SERPINA5: variants seen among roughly 807,000 people sequenced by gnomAD.
SERPINA5 encodes the protein plasma serine protease inhibitor.
In SERPINA5, 25 loss-of-function variants were observed where a neutral mutation model predicts 25.3. The ratio of observed to expected loss-of-function variants is 0.99; its 90% CI spans 0.72 to 1.38. The LOEUF (loss-of-function observed/expected upper bound fraction) is 1.38. SERPINA5 is among the 40% of genes most tolerant of loss of function. SERPINA5 has a pLI of 0.00. For missense variants in SERPINA5, 599 were observed against 509.5 expected, an observed-to-expected ratio of 1.18 and a Z score of -1.69; for synonymous variants, 234 against 206.2, an observed-to-expected ratio of 1.14 and a Z score of -1.16.
intron 5 of SERPINA5, 70 bp downstream of exon 5, chr14:94,590,966 A>C: frequency 6.9e-6 from 10 of 1,444,794 alleles, no homozygotes; most frequent in South Asian, 2.9e-5. Context: ...ATTCTACTCT[A>C]CCCCATTTCA....
chr14:94,588,054 C>T (rs1194688005), intron 3 of SERPINA5, 73 bp downstream of exon 3: 20 of 1,529,384 alleles, frequency 1.3e-5, no homozygotes, highest in Non-Finnish European at 1.7e-5. Flanking sequence ...TACCCAATTC[C>T]CTCACATACA....
In SERPINA5 at chr14:94,587,722, G is replaced by A; in HGVS notation, c.360G>A (p.Gln120=). 1.2e-6 allele frequency: 2 copies of A among 1,614,180 alleles called. No individual in the cohort carries two copies. The highest frequency in any genetic ancestry group is 1.7e-6 in the Non-Finnish European group (2 of 1,180,040). The change falls in exon 3 of 6, where the codon CAG becomes CAA. Residue 120 remains glutamine (Q), a synonymous_variant. Transcript: ENST00000329597. Reference sequence around the variant, plus strand: ...AGCAGCTCCTTCAGGAACTCAACCAGCCCAGAGATGGCTTCCAGCTGAGCC... The same window carrying A: ...AGCAGCTCCTTCAGGAACTCAACCAACCCAGAGATGGCTTCCAGCTGAGCC... ...GFQQLLQELN[Q]PRDGFQLSLG...
intron 5 of SERPINA5, 71 bp from the exon 6 acceptor site, chr14:94,591,986 A>C: frequency 6.6e-7 from 1 of 1,513,624 alleles, no homozygotes; most frequent in Non-Finnish European, 9.0e-7. Flanking sequence ...CATAGGCAGA[A>C]GCTTTGCCAT....
chr14:94,588,002 C>T, intron 3 of SERPINA5, 21 bp downstream of exon 3: 1 of 1,596,158 alleles, frequency 6.3e-7, no homozygotes, highest in Non-Finnish European at 8.5e-7. Context: ...TGGGCCCAAA[C>T]CTGCACTTTC....
Position 94,591,753 on chromosome 14 carries a change from C to T in SERPINA5, c.1039-304C>T, listed in dbSNP as rs574261887. 4.6e-5 allele frequency among the ~76,000 whole-genome samples: 7 copies of T among 152,188 alleles called. No individual in the cohort carries two copies. The South Asian group carries it at 1.4e-3, about 31-fold the overall frequency. ...AACAATCAAAACTAAGAAGGCACTTCCTAGCTATGTGATCTCCAAAAAATA... is the reference window on the plus strand; with the variant it reads ...AACAATCAAAACTAAGAAGGCACTTTCTAGCTATGTGATCTCCAAAAAATA... On this transcript the variant is annotated intron_variant, in intron 5 of 5. Transcript: ENST00000329597.
chr14:94,592,293 A>G lies in SERPINA5; in HGVS notation c.*54A>G, dbSNP rs540885420. 266 of 1,543,038 alleles carry G rather than the reference A, an allele frequency of 1.7e-4. No individual in the cohort carries two copies. In the Middle Eastern group the frequency reaches 2.1e-3, roughly 12 times the overall value. ...CTCAGGGTGGGAGATGAAGGGGGCT[A>G]AGCTATGGCCCATCTGTATGCTGGT... On this transcript the variant is annotated 3_prime_UTR_variant, in exon 6 of 6. Coordinates refer to ENST00000329597, the MANE Select transcript of SERPINA5 (RefSeq NM_000624.6).
At chr14:94,586,426 G>A (rs1885086493) in intron 2 of SERPINA5, among the ~76,000 whole-genome samples, 1 of 152,064 alleles carries the variant, frequency 6.6e-6, no homozygotes, top group Non-Finnish European at 1.5e-5. Context: ...CTCACAGGTG[G>A]CTGCCTTCTC....
At chr14:94,590,380 G>C (rs747525282) in intron 4 of SERPINA5, 69 bp downstream of exon 4, 2 of 1,510,732 alleles carry the variant, frequency 1.3e-6, no homozygotes, top group Non-Finnish European at 1.8e-6. Context: ...CGCCCTACCA[G>C]GGCCACACAG....
intron 2 of SERPINA5, among the ~76,000 whole-genome samples, chr14:94,583,307 A>C (rs779165074): frequency 6.6e-6 from 1 of 152,206 alleles, no homozygotes; most frequent in Non-Finnish European, 1.5e-5. Flanking sequence ...GGGGAGATGA[A>C]GGGAGCTTCC....
intron 5 of SERPINA5, 122 bp from the exon 6 acceptor site, chr14:94,591,935 G>T: frequency 9.2e-7 from 1 of 1,091,350 alleles, no homozygotes; most frequent in Non-Finnish European, 1.3e-6. Flanking sequence ...TTTCCTACTT[G>T]CTCCATGGCT....
chr14:94,583,552 C>T (rs536944610), intron 2 of SERPINA5, among the ~76,000 whole-genome samples: 10 of 152,300 alleles, frequency 6.6e-5, no homozygotes, highest in South Asian at 6.2e-4. Context: ...TTGGACAGAC[C>T]GTCCTCACTA....
intron 2 of SERPINA5, among the ~76,000 whole-genome samples, 170 bp from the exon 3 acceptor site, chr14:94,587,176 C>T (rs1264396889): frequency 6.6e-6 from 1 of 152,162 alleles, no homozygotes; most frequent in East Asian, 1.9e-4. Context: ...TGTCCTCGAG[C>T]CACTGCCACC....
intron 5 of SERPINA5, among the ~76,000 whole-genome samples, chr14:94,591,345 A>C (rs1595082353): frequency 1.3e-4 from 11 of 83,294 alleles, no homozygotes; most frequent in South Asian, 3.8e-4. Flanking sequence ...CCACTCCTCC[A>C]CTCCACTCTT....
intron 2 of SERPINA5, chr14:94,586,906 C>A (rs187256897): frequency 1.2e-4 from 20 of 160,310 alleles, no homozygotes; most frequent in Non-Finnish European, 2.3e-4. Context: ...ATAGAAGGAC[C>A]ACAGCGCCCT....
chr14:94,584,443 C>A (rs1885010602), intron 2 of SERPINA5, among the ~76,000 whole-genome samples: 1 of 152,060 alleles, frequency 6.6e-6, no homozygotes, highest in Admixed American at 6.5e-5. Flanking sequence ...AAACATGTAG[C>A]CCAGGAGAGC....
intron 2 of SERPINA5, 97 bp from the exon 3 acceptor site, chr14:94,587,249 C>A: frequency 8.7e-7 from 1 of 1,147,252 alleles, no homozygotes; most frequent in Non-Finnish European, 1.2e-6. Flanking sequence ...CTGAATGGAC[C>A]AAACATACCC....
rs757910699 is a variant in SERPINA5, at chr14:94,590,756, G to A, written c.898G>A (p.Glu300Lys). The part of the protein sequence containing the change: ...WLKMFKKRQL[E>K]LYLPKFSIEG... ...CTCCTTTTCCCTTTCCAGGCAGCTC[G>A]AGCTTTACCTTCCCAAATTCTCCAT... The change falls in exon 5 of 6, where the codon GAG becomes AAG. Residue 300 changes from glutamate (E) to lysine (K), a missense_variant. Transcript: ENST00000329597. 8 of 1,613,566 alleles carry A rather than the reference G, an allele frequency of 5.0e-6. No individual in the cohort carries two copies. Among genetic ancestry groups the A allele is most frequent in the South Asian group, 2.2e-5 (2 of 91,018 alleles).
In SERPINA5 at chr14:94,590,214, G is replaced by A. The variant is rs1488008413; in HGVS notation, c.793G>A (p.Ala265Thr). 1.2e-6 allele frequency: 2 copies of A among 1,614,080 alleles called. No homozygotes were observed. Among genetic ancestry groups the A allele is most frequent in the South Asian group, 1.1e-5 (1 of 91,072 alleles). Reference sequence around the variant, plus strand: ...GGTCCCCTACCAAGGCAATGCCACGGCTTTGTTCATTCTCCCCAGTGAGGG... The same window carrying A: ...GGTCCCCTACCAAGGCAATGCCACGACTTTGTTCATTCTCCCCAGTGAGGG... ...VGVPYQGNAT[A>T]LFILPSEGKM... The change falls in exon 4 of 6, where the codon GCT becomes ACT. Residue 265 changes from alanine (A) to threonine (T), a missense_variant. Ala to Thr is a moderately conservative substitution (Grantham distance 58). Coordinates refer to ENST00000329597, the MANE Select transcript of SERPINA5 (RefSeq NM_000624.6).
At chr14:94,589,546 T>A (rs2070004) in intron 3 of SERPINA5, among the ~76,000 whole-genome samples, 11,081 of 152,260 alleles carry the variant, frequency 0.073, 515 homozygotes, top group Middle Eastern at 0.14. Context: ...GAAGTTCCCA[T>A]AGGAAGGTCA....
Sources: allele counts gnomAD v4.1 joint callset (sites outside exome capture counted in the v4.1 genomes callset), GRCh38; gene constraint gnomAD v4.1.1; transcripts MANE v1.5; gene names NCBI Gene and HGNC (gene_info 2026-07-23, HGNC 2026-07-21).